The following RNF180 variants were observed in gnomAD, a reference collection of about 807,000 sequenced individuals.
The protein encoded by RNF180 is ring finger protein 180.
RNF180 carries 38 observed loss-of-function variants against 59.2 expected under a neutral mutation model. The observed-to-expected ratio is 0.64, with a 90% CI of 0.50 to 0.84. RNF180 has a LOEUF of 0.84. RNF180 is among the 40% of genes least tolerant of loss of function. The pLI, the probability that RNF180 is intolerant of heterozygous loss-of-function variation, is 0.00. For missense variants in RNF180, 705 were observed against 700.9 expected, an observed-to-expected ratio of 1.01 and a Z score of -0.07; for synonymous variants, 262 against 240.3, an observed-to-expected ratio of 1.09 and a Z score of -0.84.
At chr5:64,286,931 T>C (rs977139473) in intron 5 of RNF180, among the ~76,000 whole-genome samples, 1 of 152,090 alleles carries the variant, frequency 6.6e-6, no homozygotes. Flanking sequence ...AAGAAGATAA[T>C]AGAAGACGTC....
intron 5 of RNF180, among the ~76,000 whole-genome samples, chr5:64,243,309 C>G (rs2112243835): frequency 6.6e-6 from 1 of 152,330 alleles, no homozygotes; most frequent in South Asian, 2.1e-4. Flanking sequence ...GATCCCACCC[C>G]CATGGAGCCA....
At chr5:64,195,989 A>G (rs1020031535) in intron 1 of RNF180, among the ~76,000 whole-genome samples, 1 of 152,194 alleles carries the variant, frequency 6.6e-6, no homozygotes. Flanking sequence ...AGAGCTTGCA[A>G]ACTCCACACA....
At chr5:64,355,537 C>G (rs1218312586) in intron 7 of RNF180, among the ~76,000 whole-genome samples, 1 of 151,802 alleles carries the variant, frequency 6.6e-6, no homozygotes, top group African/African-American at 2.4e-5. Context: ...TTCAACAGCG[C>G]TTTTATAGAA....
intron 5 of RNF180, among the ~76,000 whole-genome samples, chr5:64,230,422 G>A (rs570349620): frequency 6.6e-6 from 1 of 152,302 alleles, no homozygotes; most frequent in African/African-American, 2.4e-5. Flanking sequence ...GGCATCTAGA[G>A]TCTGAACCTT....
At chr5:64,209,372 C>T (rs947072175) in intron 2 of RNF180, among the ~76,000 whole-genome samples, 1 of 151,782 alleles carries the variant, frequency 6.6e-6, no homozygotes, top group Non-Finnish European at 1.5e-5. Flanking sequence ...AAAAAATGAT[C>T]AATTTATATG....
chr5:64,363,221 G>T lies in RNF180; in HGVS notation c.1580-6394G>T, dbSNP rs559792008. Among the ~76,000 whole-genome samples the T allele has an allele frequency of 2.8e-3, 418 of 151,834 alleles. 1 individual carries two copies. Among genetic ancestry groups the T allele is most frequent in the Non-Finnish European group, 3.9e-3 (264 of 67,824 alleles). On this transcript the variant is annotated intron_variant, in intron 7 of 7. Transcript: ENST00000389100. ...TATATTGTCTTCCAGGGTTTTTATG[G>T]TTTTGGGTTTTACATTTAAGTCTTT...
At chr5:64,347,699 T>C (rs527325432) in intron 7 of RNF180, among the ~76,000 whole-genome samples, 1 of 152,292 alleles carries the variant, frequency 6.6e-6, no homozygotes, top group Non-Finnish European at 1.5e-5. Flanking sequence ...ATGAAATGTT[T>C]TAATATTTAC....
chr5:64,316,609 G>A (rs1022291434), intron 5 of RNF180, among the ~76,000 whole-genome samples: 5 of 152,126 alleles, frequency 3.3e-5, no homozygotes, highest in African/African-American at 1.2e-4. Context: ...GATTGCAACA[G>A]ATACAAGACT....
At chr5:64,243,511 G>A (rs1486103759) in intron 5 of RNF180, among the ~76,000 whole-genome samples, 1 of 152,198 alleles carries the variant, frequency 6.6e-6, no homozygotes, top group Non-Finnish European at 1.5e-5. Flanking sequence ...CAGCAAAGCT[G>A]CTGTAGCCAG....
intron 1 of RNF180, among the ~76,000 whole-genome samples, chr5:64,193,838 C>G (rs1000541375): frequency 6.6e-6 from 1 of 152,022 alleles, no homozygotes; most frequent in Admixed American, 6.6e-5. Context: ...TTTACCTATC[C>G]GAAAACCTTG....
chr5:64,234,490 C>T (rs1454650256), intron 5 of RNF180, among the ~76,000 whole-genome samples: 3 of 145,330 alleles, frequency 2.1e-5, no homozygotes, highest in Admixed American at 7.1e-5. Context: ...ATAAAGTTTA[C>T]GAACATGATC....
chr5:64,274,092 C>T (rs1270156366), intron 5 of RNF180, among the ~76,000 whole-genome samples: 1 of 151,938 alleles, frequency 6.6e-6, no homozygotes. Flanking sequence ...TTATTTATAG[C>T]CCTATACCAT....
intron 5 of RNF180, among the ~76,000 whole-genome samples, chr5:64,318,718 G>T (rs1384763879): frequency 6.6e-6 from 1 of 152,072 alleles, no homozygotes. Context: ...AATAATAAAT[G>T]TATCATACTG....
chr5:64,334,105 AC>A (rs1745025546), intron 7 of RNF180, among the ~76,000 whole-genome samples: 1 of 152,166 alleles, frequency 6.6e-6, no homozygotes, highest in Admixed American at 6.5e-5. Context: ...AATGTCCCAA[AC>A]AAAAGGCTCC....
At chr5:64,194,113 C>T (rs1751321517) in intron 1 of RNF180, among the ~76,000 whole-genome samples, 1 of 152,136 alleles carries the variant, frequency 6.6e-6, no homozygotes, top group Non-Finnish European at 1.5e-5. Flanking sequence ...ATTAACTCGT[C>T]ATTTAACATT....
intron 5 of RNF180, among the ~76,000 whole-genome samples, chr5:64,302,349 G>C (rs115149171): frequency 7.1e-4 from 107 of 151,438 alleles, no homozygotes; most frequent in African/African-American, 2.4e-3. Flanking sequence ...TTTTTAGTTC[G>C]GATTCTGTTC....
intron 5 of RNF180, among the ~76,000 whole-genome samples, chr5:64,253,459 T>C (rs1322858451): frequency 1.3e-5 from 2 of 152,180 alleles, no homozygotes; most frequent in East Asian, 1.9e-4. Context: ...TTAAAAACTT[T>C]AAATTTTCAC....
At chr5:64,186,875 G>A (rs942592744) in intron 1 of RNF180, among the ~76,000 whole-genome samples, 6 of 152,106 alleles carry the variant, frequency 3.9e-5, no homozygotes, top group Non-Finnish European at 8.8e-5. Context: ...TCAGCATTTT[G>A]TACAACTCTC....
At chr5:64,288,965 T>C (rs1742430748) in intron 5 of RNF180, among the ~76,000 whole-genome samples, 1 of 152,234 alleles carries the variant, frequency 6.6e-6, no homozygotes, top group Non-Finnish European at 1.5e-5. Flanking sequence ...CCTTATCTTG[T>C]ACCGGTTTTC....
Sources: gnomAD v4.1 joint callset for allele counts (sites outside exome capture counted in the v4.1 genomes callset) on GRCh38, gnomAD v4.1.1 for gene constraint, MANE v1.5 for transcripts, NCBI Gene and HGNC (gene_info 2026-07-23, HGNC 2026-07-21) for gene names.